Variants in SUSD1 observed in about 807,000 individuals in gnomAD.
SUSD1 encodes sushi domain containing 1, also known as sushi domain-containing protein 1.
A neutral mutation model predicts 86.9 loss-of-function variants in SUSD1; 65 were observed. The ratio of observed to expected loss-of-function variants is 0.75; its 90% CI spans 0.61 to 0.92. The LOEUF (loss-of-function observed/expected upper bound fraction) is 0.92, where lower values mean the gene tolerates loss of function less well. Ranked by LOEUF, SUSD1 falls within the 40% of genes least tolerant of loss-of-function variation. SUSD1 has a pLI of 0.00. For synonymous variants in SUSD1, 346 were observed against 350.0 expected, an observed-to-expected ratio of 0.99 and a Z score of 0.13; for missense variants, 850 against 929.7, an observed-to-expected ratio of 0.91 and a Z score of 1.11.
intron 1 of SUSD1, among the ~76,000 whole-genome samples, chr9:112,160,891 A>G (rs1486451100): frequency 6.6e-6 from 1 of 152,188 alleles, no homozygotes; most frequent in Non-Finnish European, 1.5e-5. Context: ...GCCGCACAAA[A>G]CAGAATTTTA....
In SUSD1 at chr9:112,052,092, G is replaced by A. The variant is rs572529527; in HGVS notation, c.2149+307C>T. On this transcript the variant is annotated intron_variant, in intron 15 of 16. Coordinates refer to ENST00000374270, the MANE Select transcript of SUSD1 (RefSeq NM_022486.5). ...CACATGTCCTACAGTAGAAGAAAACGAAGCCAAGTGACTCTTAGAAACAGA... is the reference window on the plus strand; with the variant it reads ...CACATGTCCTACAGTAGAAGAAAACAAAGCCAAGTGACTCTTAGAAACAGA... 346 of 1,297,018 alleles carry A rather than the reference G, an allele frequency of 2.7e-4. 2 individuals carry two copies. Among genetic ancestry groups the A allele is most frequent in the Middle Eastern group, 1.0e-3 (5 of 4,874 alleles). 80.3% of individuals were successfully genotyped at this position (1,297,018 alleles called of 1,614,324 possible).
intron 1 of SUSD1, among the ~76,000 whole-genome samples, chr9:112,160,226 A>G (rs747773829): frequency 6.6e-6 from 1 of 152,200 alleles, no homozygotes; most frequent in Admixed American, 6.5e-5. Context: ...GATAGCAGAC[A>G]AAAGATGCTA....
intron 8 of SUSD1, among the ~76,000 whole-genome samples, chr9:112,103,872 A>G (rs1419307755): frequency 6.6e-6 from 1 of 152,204 alleles, no homozygotes; most frequent in African/African-American, 2.4e-5. Flanking sequence ...ACTAGAGCCC[A>G]TGGAAAAATC....
At chr9:112,067,820 C>T (rs907041660) in intron 12 of SUSD1, among the ~76,000 whole-genome samples, 2 of 152,032 alleles carry the variant, frequency 1.3e-5, no homozygotes, top group Non-Finnish European at 2.9e-5. Flanking sequence ...CCCAATCCCC[C>T]CACCCTAGCC....
Position 112,112,790 on chromosome 9 carries a change from T to A in SUSD1, c.965A>T (p.Asn322Ile). Residue 322 changes from asparagine (N) to isoleucine (I), a missense_variant, in exon 7 of 17, where the codon AAC becomes ATC. Transcript: ENST00000374270. ...ACTTACCACATATGAGATCTTGGGG[T>A]TTATTCTTCTTGAGTTTATTTGCCA... is the stretch of plus-strand genomic sequence containing the variant. ...VRWQINSRRI[N>I]PKISYVISIK... The A allele has an allele frequency of 6.2e-7, 1 of 1,612,184 alleles. No individual in the cohort carries two copies. Among genetic ancestry groups the A allele is most frequent in the East Asian group, 2.2e-5 (1 of 44,856 alleles).
intron 6 of SUSD1, among the ~76,000 whole-genome samples, chr9:112,122,528 C>G (rs761194202): frequency 1.2e-3 from 103 of 84,866 alleles, no homozygotes; most frequent in Non-Finnish European, 1.8e-3. Context: ...CTCCTGACCT[C>G]AAGTGATCCA....
At chr9:112,170,545 G>A (rs531822530) in intron 1 of SUSD1, among the ~76,000 whole-genome samples, 1 of 152,002 alleles carries the variant, frequency 6.6e-6, no homozygotes, top group South Asian at 2.1e-4. Flanking sequence ...TCAATTACGC[G>A]AAACACACTT....
At chr9:112,089,858 A>G (rs34293317) in intron 10 of SUSD1, among the ~76,000 whole-genome samples, 16,623 of 151,438 alleles carry the variant, frequency 0.11, 1,053 homozygotes, top group Non-Finnish European at 0.14. Flanking sequence ...GAAAGCAGAA[A>G]TAATGATATA....
rs1461111540 is a variant in SUSD1, at chr9:112,103,916, C to T, written c.1172-1631G>A. Among the ~76,000 whole-genome samples, 6 of 152,328 alleles carry T rather than the reference C, an allele frequency of 3.9e-5. No individual in the cohort carries two copies. The East Asian group carries it at 1.2e-3, about 29-fold the overall frequency. On this transcript the variant is annotated intron_variant, in intron 8 of 16. Transcript: ENST00000374270. ...TCACAAGACAAATCAATGACCCATG[C>T]TCCATCTGGAGCCATTTAGCCCAGT... is the stretch of plus-strand genomic sequence containing the variant.
intron 15 of SUSD1, 151 bp downstream of exon 15, chr9:112,052,248 A>G: frequency 6.5e-7 from 1 of 1,541,494 alleles, no homozygotes; most frequent in Non-Finnish European, 8.7e-7. Flanking sequence ...CCCTCCTCCC[A>G]TTTTTTTTCA....
chr9:112,148,834 A>T (rs1832917778), intron 3 of SUSD1, among the ~76,000 whole-genome samples: 1 of 151,834 alleles, frequency 6.6e-6, no homozygotes, highest in Admixed American at 6.6e-5. Flanking sequence ...TGAACCCAGG[A>T]GGCGGAGGTT....
At chr9:112,086,560 A>AAGAG (rs71382404) in intron 10 of SUSD1, among the ~76,000 whole-genome samples, 172 of 136,306 alleles carry the variant, frequency 1.3e-3, no homozygotes, top group South Asian at 9.8e-3. Flanking sequence ...GAAAGAAAGA[A>AAGAG]AGAGAGAGAG....
At chr9:112,123,036 G>A (rs988600386) in intron 6 of SUSD1, among the ~76,000 whole-genome samples, 6 of 152,206 alleles carry the variant, frequency 3.9e-5, no homozygotes, top group African/African-American at 1.2e-4. Context: ...GAGATTGGTT[G>A]TGCAACAAGA....
chr9:112,053,674 T>C (rs1420745558), intron 14 of SUSD1, among the ~76,000 whole-genome samples: 1 of 152,188 alleles, frequency 6.6e-6, no homozygotes, highest in African/African-American at 2.4e-5. Context: ...CACTGGAGAA[T>C]GGAAGGGACT....
intron 1 of SUSD1, among the ~76,000 whole-genome samples, chr9:112,168,757 C>T (rs1265348075): frequency 6.6e-6 from 1 of 152,152 alleles, no homozygotes; most frequent in Non-Finnish European, 1.5e-5. Flanking sequence ...GAGTTCATGA[C>T]TAGCCTGGCC....
intron 14 of SUSD1, among the ~76,000 whole-genome samples, chr9:112,057,434 C>A (rs1430360392): frequency 6.6e-6 from 1 of 152,156 alleles, no homozygotes; most frequent in Non-Finnish European, 1.5e-5. Flanking sequence ...CTAAAAACTC[C>A]AAGTCAGAAA....
intron 1 of SUSD1, among the ~76,000 whole-genome samples, chr9:112,168,883 C>A (rs142077043): frequency 6.7e-4 from 102 of 152,306 alleles, no homozygotes; most frequent in African/African-American, 2.3e-3. Context: ...CACAGTCAGA[C>A]CAAACAAATC....
At position 112,152,034 on chromosome 9, in the gene SUSD1, C is replaced by CAA. The variant is rs571802583; in HGVS notation, c.218-2637_218-2636dup. 4.6e-4 allele frequency among the ~76,000 whole-genome samples: 63 copies of CAA among 135,598 alleles called. 1 individual carries two copies. The highest frequency in any genetic ancestry group is 1.6e-3 in the African/African-American group (60 of 37,024). 89.0% of individuals were successfully genotyped at this position (135,598 alleles called of 152,430 possible). A position where few individuals can be genotyped will look rare whatever the true frequency, so the allele number is the denominator to read the frequency against. On this transcript the variant is annotated intron_variant, in intron 2 of 16. Coordinates refer to ENST00000374270, the MANE Select transcript of SUSD1 (RefSeq NM_022486.5). ...GGGCAACAAGAGCAAAACTCCATCT[C>CAA]AAAAAAAAAAATACAAAAATTAGCC...
At position 112,175,090 on chromosome 9, in the gene SUSD1, G is replaced by A; in HGVS notation, c.103+43C>T. 1 of 1,004,042 alleles carries A rather than the reference G, an allele frequency of 1.0e-6. No homozygotes were observed. The highest frequency in any genetic ancestry group is 1.2e-6 in the Non-Finnish European group (1 of 843,580). 62.2% of individuals were successfully genotyped at this position (1,004,042 alleles called of 1,614,324 possible). A position where few individuals can be genotyped will look rare whatever the true frequency, so the allele number is the denominator to read the frequency against. ...GCCCAGAGTCCTCGAGGCCCAGCCG[G>A]GGGCCCCGCCGGCCGCCCGTGCCCG... On this transcript the variant is annotated intron_variant, in intron 1 of 16. Coordinates refer to ENST00000374270, the MANE Select transcript of SUSD1 (RefSeq NM_022486.5). This position sits in a 1 kb window ranked among gnomAD's most constrained non-coding sequence, Gnocchi z 4.7.
Sources: gnomAD v4.1 joint callset for allele counts (sites outside exome capture counted in the v4.1 genomes callset) on GRCh38, gnomAD v4.1.1 for gene constraint, Gnocchi (gnomAD v3.1) non-coding constraint, MANE v1.5 for transcripts, NCBI Gene and HGNC (gene_info 2026-07-23, HGNC 2026-07-21) for gene names.